TAFA2: variants seen among roughly 807,000 people sequenced by gnomAD.
The protein encoded by TAFA2 is TAFA chemokine like family member 2, also known as chemokine-like protein TAFA-2.
A neutral mutation model predicts 18.8 loss-of-function variants in TAFA2; 7 were observed. That is an observed-to-expected ratio of 0.37 (90% CI 0.21 to 0.70). TAFA2 has a LOEUF of 0.70. Among genes scored for constraint, TAFA2 ranks in the 30% least tolerant of loss-of-function variants. The pLI, the probability that TAFA2 is intolerant of heterozygous loss-of-function variation, is 0.53. For synonymous variants in TAFA2, 60 were observed against 54.2 expected (o/e 1.11, Z -0.47); for missense variants, 122 against 158.1 (o/e 0.77, Z 1.23).
chr12:61,750,042 A>G (rs923664575), intron 4 of TAFA2, among the ~76,000 whole-genome samples: 2 of 151,564 alleles, frequency 1.3e-5, no homozygotes, highest in African/African-American at 4.9e-5. Flanking sequence ...TTTTCCGATG[A>G]TTTCAACCAT....
intron 1 of TAFA2, among the ~76,000 whole-genome samples, chr12:62,107,999 T>A (rs1444767355): frequency 1.3e-5 from 2 of 152,162 alleles, no homozygotes; most frequent in South Asian, 2.1e-4. Context: ...AAGCTTTTTT[T>A]ATATACACTT....
chr12:61,922,587 G>C (rs349888), intron 1 of TAFA2, among the ~76,000 whole-genome samples: 1 of 152,182 alleles, frequency 6.6e-6, no homozygotes, highest in Admixed American at 6.5e-5. Flanking sequence ...CTTTTCCCAT[G>C]GTCTTTGCAA....
intron 1 of TAFA2, among the ~76,000 whole-genome samples, chr12:62,051,029 T>A (rs1193069340): frequency 6.6e-6 from 1 of 152,182 alleles, no homozygotes; most frequent in African/African-American, 2.4e-5. Flanking sequence ...CATTTCCCAC[T>A]CTGAAAGTTT....
At chr12:62,165,775 C>T (rs1487998781) in intron 1 of TAFA2, among the ~76,000 whole-genome samples, 1 of 152,102 alleles carries the variant, frequency 6.6e-6, no homozygotes, top group African/African-American at 2.4e-5. Context: ...AAGGCCAGAA[C>T]TACTCCAAGA....
intron 2 of TAFA2, among the ~76,000 whole-genome samples, chr12:61,857,733 G>A (rs986282453): frequency 4.6e-5 from 7 of 152,088 alleles, no homozygotes; most frequent in Non-Finnish European, 2.9e-5. Flanking sequence ...TTTCATGGGT[G>A]TCAGACCCTC....
intron 1 of TAFA2, among the ~76,000 whole-genome samples, chr12:62,104,577 T>G (rs1003710095): frequency 6.6e-6 from 1 of 152,222 alleles, no homozygotes; most frequent in Non-Finnish European, 1.5e-5. Context: ...ATGTGCATCA[T>G]AGGTAATCTG....
chr12:61,843,645 T>C (rs1279189716), intron 2 of TAFA2, among the ~76,000 whole-genome samples: 1 of 152,180 alleles, frequency 6.6e-6, no homozygotes, highest in Non-Finnish European at 1.5e-5. Flanking sequence ...AATAGTCATA[T>C]AAGCCTTGCT....
At chr12:61,798,855 C>T (rs1428128288) in intron 2 of TAFA2, among the ~76,000 whole-genome samples, 1 of 152,164 alleles carries the variant, frequency 6.6e-6, no homozygotes, top group African/African-American at 2.4e-5. Context: ...TAAAAATGTT[C>T]TATAGAATGT....
chr12:62,103,441 T>G (rs1869297500), intron 1 of TAFA2, among the ~76,000 whole-genome samples: 1 of 152,122 alleles, frequency 6.6e-6, no homozygotes, highest in South Asian at 2.1e-4. Context: ...AATGGCTTAT[T>G]AAAGACTACA....
At chr12:61,751,108 T>C (rs530370388) in intron 4 of TAFA2, among the ~76,000 whole-genome samples, 5 of 152,240 alleles carry the variant, frequency 3.3e-5, no homozygotes, top group African/African-American at 1.2e-4. Flanking sequence ...ATTCAACATT[T>C]CCTCTATCCA....
chr12:62,059,041 T>G (rs946536481), intron 1 of TAFA2, among the ~76,000 whole-genome samples: 10 of 151,904 alleles, frequency 6.6e-5, no homozygotes, highest in Middle Eastern at 3.2e-3. Context: ...AGGCGGAGCT[T>G]GCAGTGAGCC....
intron 1 of TAFA2, among the ~76,000 whole-genome samples, chr12:62,164,001 C>G (rs1189600016): frequency 1.3e-5 from 2 of 152,040 alleles, no homozygotes; most frequent in Admixed American, 6.6e-5. Flanking sequence ...ATAATCATAG[C>G]TGAGATATAA....
chr12:61,791,549 G>A (rs977637358), intron 2 of TAFA2, among the ~76,000 whole-genome samples: 1 of 151,540 alleles, frequency 6.6e-6, no homozygotes, highest in African/African-American at 2.4e-5. Context: ...CAATAAAAGT[G>A]GGCAAAAGAC....
intron 2 of TAFA2, among the ~76,000 whole-genome samples, chr12:61,775,261 A>C (rs1870207590): frequency 6.6e-6 from 1 of 151,886 alleles, no homozygotes; most frequent in Non-Finnish European, 1.5e-5. Context: ...TTCATACAAA[A>C]TTAAAGATAC....
At chr12:62,169,186 T>G (rs2062460348) in intron 1 of TAFA2, among the ~76,000 whole-genome samples, 1 of 152,172 alleles carries the variant, frequency 6.6e-6, no homozygotes, top group African/African-American at 2.4e-5. Flanking sequence ...TACAAAATAA[T>G]GGATGGGTAG....
chr12:61,806,016 A>T (rs1871595210), intron 2 of TAFA2, among the ~76,000 whole-genome samples: 1 of 152,202 alleles, frequency 6.6e-6, no homozygotes, highest in African/African-American at 2.4e-5. Flanking sequence ...AACTATTAAG[A>T]TTTGTTACTT....
chr12:62,197,893 A>T (rs981609738), intron 1 of TAFA2, among the ~76,000 whole-genome samples: 1 of 152,232 alleles, frequency 6.6e-6, no homozygotes, highest in African/African-American at 2.4e-5. Flanking sequence ...GGATATTAAA[A>T]ATAAAGCTGC....
At chr12:62,078,803 C>T (rs1868276742) in intron 1 of TAFA2, among the ~76,000 whole-genome samples, 1 of 151,240 alleles carries the variant, frequency 6.6e-6, no homozygotes, top group Non-Finnish European at 1.5e-5. Context: ...ATGTTAATTT[C>T]TATTTATGCA....
At chr12:61,984,973 C>G (rs1258746860) in intron 1 of TAFA2, among the ~76,000 whole-genome samples, 3 of 152,064 alleles carry the variant, frequency 2.0e-5, no homozygotes, top group Non-Finnish European at 2.9e-5. Context: ...TTGACTACAC[C>G]TGAAGAAAGT....
Sources: gnomAD v4.1 joint callset for allele counts (sites outside exome capture counted in the v4.1 genomes callset) on GRCh38, gnomAD v4.1.1 for gene constraint, MANE v1.5 for transcripts, NCBI Gene and HGNC (gene_info 2026-07-23, HGNC 2026-07-21) for gene names.